The following GLIS1 variants were observed in gnomAD, a reference collection of about 807,000 sequenced individuals.
GLIS1 encodes zinc finger protein GLIS1.
GLIS1 carries 24 observed loss-of-function variants against 63.8 expected under a neutral mutation model. The ratio of observed to expected loss-of-function variants is 0.38; its 90% confidence interval spans 0.27 to 0.53. GLIS1 has a LOEUF of 0.53. Among genes scored for constraint, GLIS1 ranks in the 20% least tolerant of loss-of-function variants. The pLI is 0.85. For missense variants in GLIS1, 1,036 were observed against 1,074.1 expected, an observed-to-expected ratio of 0.96 and a Z score of 0.50; for synonymous variants, 450 against 482.5, an observed-to-expected ratio of 0.93 and a Z score of 0.88.
At chr1:53,653,655 C>A (rs1258631964) in intron 2 of GLIS1, among the ~76,000 whole-genome samples, 1 of 152,190 alleles carries the variant, frequency 6.6e-6, no homozygotes, top group African/African-American at 2.4e-5. Context: ...ATGTGAATTC[C>A]TTCTTCCTGC....
At chr1:53,525,432 C>T (rs891280274) in intron 5 of GLIS1, among the ~76,000 whole-genome samples, 3 of 914 alleles carry the variant, frequency 3.3e-3, no homozygotes, top group African/African-American at 0.02. Context: ...AGGCTGGAAG[C>T]ACGGCTGGAT....
At chr1:53,702,614 G>T (rs889899146) in intron 2 of GLIS1, among the ~76,000 whole-genome samples, 13 of 152,198 alleles carry the variant, frequency 8.5e-5, no homozygotes, top group Admixed American at 7.9e-4. Flanking sequence ...ACCTCAGATA[G>T]CAGGATGTGA....
chr1:53,629,854 C>A (rs143704589), intron 2 of GLIS1, among the ~76,000 whole-genome samples: 43 of 152,334 alleles, frequency 2.8e-4, no homozygotes, highest in African/African-American at 9.6e-4. Context: ...TGCACACATG[C>A]AGGCCTTGAG....
intron 2 of GLIS1, among the ~76,000 whole-genome samples, chr1:53,635,656 C>T (rs1645715899): frequency 6.6e-6 from 1 of 151,734 alleles, no homozygotes; most frequent in African/African-American, 2.4e-5. Flanking sequence ...ATAAACAAGA[C>T]TAAAGCTGGT....
chr1:53,653,189 G>T (rs879100834), intron 2 of GLIS1, among the ~76,000 whole-genome samples: 1 of 152,242 alleles, frequency 6.6e-6, no homozygotes, highest in Non-Finnish European at 1.5e-5. Flanking sequence ...AGAAAAAGTG[G>T]CTGGGGATAT....
intron 2 of GLIS1, among the ~76,000 whole-genome samples, chr1:53,666,045 G>T (rs1054824183): frequency 6.6e-6 from 1 of 152,152 alleles, no homozygotes; most frequent in African/African-American, 2.4e-5. Flanking sequence ...TTAAAAAGTG[G>T]GAGGTAGGAA....
At chr1:53,566,741 C>G (rs1644939886) in intron 4 of GLIS1, among the ~76,000 whole-genome samples, 1 of 152,238 alleles carries the variant, frequency 6.6e-6, no homozygotes, top group African/African-American at 2.4e-5. Flanking sequence ...TCCACCTTCT[C>G]TCTCTCTTTC....
chr1:53,559,165 C>A (rs1004202690), intron 4 of GLIS1, among the ~76,000 whole-genome samples: 8 of 152,154 alleles, frequency 5.3e-5, no homozygotes. Context: ...GGCTTTGTGG[C>A]CGCTATCATT....
intron 2 of GLIS1, among the ~76,000 whole-genome samples, chr1:53,727,400 C>G (rs952014355): frequency 1.3e-5 from 2 of 152,132 alleles, no homozygotes; most frequent in Non-Finnish European, 2.9e-5. Flanking sequence ...GAGCTACCAT[C>G]CTCTGGCTCC....
chr1:53,657,236 T>C (rs1557506097), intron 2 of GLIS1, among the ~76,000 whole-genome samples: 1 of 152,008 alleles, frequency 6.6e-6, no homozygotes, highest in Non-Finnish European at 1.5e-5. Flanking sequence ...GGGTCAGTGG[T>C]TGAGGGGTAT....
intron 2 of GLIS1, among the ~76,000 whole-genome samples, chr1:53,709,680 A>G (rs546082330): frequency 6.6e-6 from 1 of 152,186 alleles, no homozygotes; most frequent in East Asian, 1.9e-4. Flanking sequence ...GCCCTCCTTA[A>G]TGTCAGCGAC....
At chr1:53,631,964 ATGAG>A (rs1387033993) in intron 2 of GLIS1, among the ~76,000 whole-genome samples, 1 of 152,122 alleles carries the variant, frequency 6.6e-6, no homozygotes. Flanking sequence ...AGGTGTGTGA[ATGAG>A]TGTGAGGGAT....
intron 2 of GLIS1, among the ~76,000 whole-genome samples, chr1:53,716,843 C>T (rs928153277): frequency 6.6e-6 from 1 of 152,222 alleles, no homozygotes; most frequent in African/African-American, 2.4e-5. Context: ...AACTAATACT[C>T]TGTCTAGAAC....
intron 2 of GLIS1, among the ~76,000 whole-genome samples, chr1:53,659,918 T>C (rs1646008078): frequency 6.7e-6 from 1 of 150,182 alleles, no homozygotes; most frequent in Non-Finnish European, 1.5e-5. Flanking sequence ...TCTTTTTAAC[T>C]GTTTGAGGCA....
intron 2 of GLIS1, among the ~76,000 whole-genome samples, chr1:53,719,774 T>C (rs1444001814): frequency 6.6e-6 from 1 of 152,160 alleles, no homozygotes; most frequent in Non-Finnish European, 1.5e-5. Context: ...ACAGACATTA[T>C]GGAAAACAGT....
intron 4 of GLIS1, among the ~76,000 whole-genome samples, chr1:53,533,408 C>CG (rs1168451084): frequency 2.0e-5 from 3 of 152,244 alleles, no homozygotes; most frequent in Non-Finnish European, 4.4e-5. Flanking sequence ...CCCCTTACCC[C>CG]AGTGTGCAGA....
At chr1:53,555,920 C>T (rs375389429) in intron 4 of GLIS1, among the ~76,000 whole-genome samples, 136 of 75,476 alleles carry the variant, frequency 1.8e-3, no homozygotes, top group East Asian at 9.4e-3. Context: ...TGTGTGTGTG[C>T]GGTGTATTGC....
At chr1:53,554,284 G>A (rs911200460) in intron 4 of GLIS1, among the ~76,000 whole-genome samples, 1 of 152,150 alleles carries the variant, frequency 6.6e-6, no homozygotes, top group Non-Finnish European at 1.5e-5. Flanking sequence ...GAGGCAGGAC[G>A]ACCATGTGAG....
chr1:53,611,980 C>T (rs985381444), intron 2 of GLIS1, among the ~76,000 whole-genome samples: 8 of 152,074 alleles, frequency 5.3e-5, no homozygotes, highest in African/African-American at 1.9e-4. Flanking sequence ...ACTACAGGCC[C>T]ATACCACCAT....
Sources: allele counts gnomAD v4.1 joint callset (sites outside exome capture counted in the v4.1 genomes callset), GRCh38; gene constraint gnomAD v4.1.1; transcripts MANE v1.5; gene names NCBI Gene and HGNC (gene_info 2026-07-23, HGNC 2026-07-21).